Variants in NOTCH3 observed in about 807,000 individuals in gnomAD.
NOTCH3 encodes the protein neurogenic locus notch homolog protein 3.
In NOTCH3, 86 loss-of-function variants were observed where a neutral mutation model predicts 213.3. The observed-to-expected ratio is 0.40, with a 90% CI of 0.34 to 0.48. NOTCH3 has a LOEUF of 0.48. NOTCH3 is among the 20% of genes least tolerant of loss of function. The pLI, the probability that NOTCH3 is intolerant of heterozygous loss-of-function variation, is 0.57. For missense variants in NOTCH3, 2,783 were observed against 3,272.6 expected (o/e 0.85, Z 3.65); for synonymous variants, 1,354 against 1,355.9 (o/e 1.00, Z 0.03).
At chr19:15,191,926 A>T in intron 4 of NOTCH3, 34 bp downstream of exon 4, 1 of 1,613,486 alleles carries the variant, frequency 6.2e-7, no homozygotes, top group Non-Finnish European at 8.5e-7. Context: ...CCCCACGCCC[A>T]CCCCTCTGAC....
At position 15,184,949 on chromosome 19, in the gene NOTCH3, G is replaced by C; in HGVS notation, c.2367C>G (p.Ala789=). 1 of 1,549,824 alleles carries C rather than the reference G, an allele frequency of 6.5e-7. No homozygotes were observed. Among genetic ancestry groups the C allele is most frequent in the Non-Finnish European group, 8.7e-7 (1 of 1,146,236 alleles). ...AGGAGCAGACAGGCAGCTGGCCAGG[G>C]GCAGACTCGCAGCGGCCCCCATGCT... ...PCEHGGRCES[A]PGQLPVCSCP... Residue 789 remains alanine (A), a synonymous_variant, in exon 15 of 33, where the codon GCC becomes GCG. Transcript: ENST00000263388.
intron 20 of NOTCH3, 47 bp from the exon 21 acceptor site, chr19:15,179,543 ACC>A: frequency 6.2e-7 from 1 of 1,603,362 alleles, no homozygotes; most frequent in Non-Finnish European, 8.5e-7. Flanking sequence ...TGGGACACAG[ACC>A]CACCTGGACA....
rs1230803418 is a variant in NOTCH3, at chr19:15,170,482, G to C, written c.4963C>G (p.Leu1655Val). 8.1e-6 allele frequency: 13 copies of C among 1,606,614 alleles called. No homozygotes were observed. The highest frequency in any genetic ancestry group is 1.1e-5 in the Non-Finnish European group (13 of 1,179,934). Residue 1655 changes from leucine to valine, a missense_variant, in exon 27 of 33, where the codon CTG becomes GTG. Leu to Val is a conservative substitution (Grantham distance 32). Around this residue, in one of 6 missense-constraint regions of NOTCH3, gnomAD observed 636 missense variants for 801.8 expected, o/e 0.79. Coordinates refer to ENST00000263388, the MANE Select transcript of NOTCH3 (RefSeq NM_000435.3). ...PLLVAGAVLL[L>V]VILVLGVMVA... ...ATGACACCCAGGACGAGAATGACCA[G>C]CAGCAAGACAGCGCCCGCCACTAGC... is the stretch of plus-strand genomic sequence containing the variant.
At chr19:15,189,679 G>A (rs185960548) in intron 6 of NOTCH3, among the ~76,000 whole-genome samples, 50 of 152,098 alleles carry the variant, frequency 3.3e-4, no homozygotes, top group African/African-American at 1.1e-3. Flanking sequence ...CACCACGCCC[G>A]GCTAATTTTT....
chr19:15,181,022 C>A lies in NOTCH3; in HGVS notation c.2933G>T (p.Ser978Ile). ...GCAGCGGAAGCCAGGGTGGGCGGCG[C>A]TGCAGACGCCCCCGTGTAGGCAGGG... ...SRPCLHGGVC[S>I]AAHPGFRCTC... The change falls in exon 18 of 33, where the codon AGC (serine) becomes ATC (isoleucine). Residue 978 changes from serine to isoleucine, a missense_variant. Ser to Ile is a moderately radical substitution (Grantham distance 142, BLOSUM62 -2). Coordinates refer to ENST00000263388, the MANE Select transcript of NOTCH3 (RefSeq NM_000435.3). The A allele has an allele frequency of 6.3e-7, 1 of 1,599,982 alleles. No homozygotes were observed. Among genetic ancestry groups the A allele is most frequent in the Non-Finnish European group, 8.5e-7 (1 of 1,174,308 alleles).
intron 24 of NOTCH3, among the ~76,000 whole-genome samples, chr19:15,174,810 G>T (rs1212302353): frequency 1.3e-5 from 2 of 152,138 alleles, no homozygotes; most frequent in Non-Finnish European, 2.9e-5. Context: ...CTGACCTCAG[G>T]TGATCCACCT....
intron 2 of NOTCH3, among the ~76,000 whole-genome samples, chr19:15,196,704 T>C (rs951454555): frequency 1.3e-5 from 2 of 152,162 alleles, no homozygotes; most frequent in Non-Finnish European, 2.9e-5. Flanking sequence ...ATAATGCCTA[T>C]GTTGAGCACA....
rs2145436956 is a variant in NOTCH3 at position 15,189,287 on chromosome 19, T to A, written c.1178A>T (p.Asp393Val). ...FTGGACDQDV[D>V]ECSIGANPCE... ...GCTCCCCTCACCGATAGAGCACTCG[T>A]CCACATCCTGGTCACATGCCCCACC... The change falls in exon 7 of 33, where the codon GAC becomes GTC. Residue 393 changes from aspartate to valine, a missense_variant. Transcript: ENST00000263388. The A allele has an allele frequency of 6.2e-7, 1 of 1,614,058 alleles. No homozygotes were observed. The highest frequency in any genetic ancestry group is 1.7e-5 in the Admixed American group (1 of 60,024).
At chr19:15,177,370 G>GGACA (rs1186349355) in intron 24 of NOTCH3, among the ~76,000 whole-genome samples, 155 bp downstream of exon 24, 1 of 152,162 alleles carries the variant, frequency 6.6e-6, no homozygotes, top group Non-Finnish European at 1.5e-5. Flanking sequence ...ACAGACACAC[G>GGACA]GACAGACACG....
At chr19:15,184,578 G>C (rs2046866214) in intron 15 of NOTCH3, 128 bp from the exon 16 acceptor site, 6 of 898,766 alleles carry the variant, frequency 6.7e-6, no homozygotes, top group Non-Finnish European at 1.0e-5. Flanking sequence ...TGTCATTCGT[G>C]TCTGGGCATT....
rs61399527 is a variant in NOTCH3 at position 15,176,762 on chromosome 19, T to TAAA, written c.4403+760_4403+762dup. 1.3e-4 allele frequency among the ~76,000 whole-genome samples: 7 copies of TAAA among 55,640 alleles called. No individual in the cohort carries two copies. In the East Asian group the frequency reaches 1.6e-3, roughly 13 times the overall value. The allele number at this position is 55,640 out of a possible 152,430, so 36.5% of individuals were successfully genotyped here. ...TGGGCCACAGAGCAAGACCCTGTCT[T>TAAA]AAAAAAAAAAAAAAAAAAAAAAAAA... On this transcript the variant is annotated intron_variant, in intron 24 of 32. Transcript: ENST00000263388.
chr19:15,174,119 C>T lies in NOTCH3; in HGVS notation c.4685G>A (p.Ser1562Asn). Residue 1562 changes from serine to asparagine, a missense_variant, in exon 25 of 33, where the codon AGT becomes AAT. By Grantham distance (46) the Ser-to-Asn change is conservative. Around this residue, in one of 6 missense-constraint regions of NOTCH3, gnomAD observed 636 missense variants for 801.8 expected, o/e 0.79. Coordinates refer to ENST00000263388, the MANE Select transcript of NOTCH3 (RefSeq NM_000435.3). ...ACGGGCCCGGGGTTCGGAGCCAGGA[C>T]TAGGCCGGTGGTAAGGGAAGACCAT... Reference protein sequence around the residue: ...QAMVFPYHRPSPGSEPRARRE... With the variant: ...QAMVFPYHRPNPGSEPRARRE... 2.5e-6 allele frequency: 4 copies of T among 1,602,914 alleles called. No individual in the cohort carries two copies. Among genetic ancestry groups the T allele is most frequent in the Non-Finnish European group, 3.4e-6 (4 of 1,173,066 alleles).
At chr19:15,169,185 T>G (rs2046709299) in intron 28 of NOTCH3, among the ~76,000 whole-genome samples, 1 of 106,342 alleles carries the variant, frequency 9.4e-6, no homozygotes, top group Admixed American at 1.0e-4. Context: ...ATGTCAAATC[T>G]GTCTCTCTCT....
intron 32 of NOTCH3, chr19:15,162,253 A>C: frequency 1.7e-6 from 1 of 573,010 alleles, no homozygotes; most frequent in Non-Finnish European, 3.1e-6. Context: ...AAGTGCTGGG[A>C]TTATAGGCAT....
At position 15,180,095 on chromosome 19, in the gene NOTCH3, A is replaced by G; in HGVS notation, c.3304T>C (p.Tyr1102His). 1 of 1,611,184 alleles carries G rather than the reference A, an allele frequency of 6.2e-7. No individual in the cohort carries two copies. Among genetic ancestry groups the G allele is most frequent in the Non-Finnish European group, 8.5e-7 (1 of 1,179,086 alleles). Residue 1102 changes from tyrosine to histidine, a missense_variant, in exon 20 of 33, where the codon TAT becomes CAT. Tyr to His is a moderately conservative substitution (Grantham distance 83). This residue lies in a region of NOTCH3 where 861 missense variants were observed against 909.1 expected (regional missense o/e 0.95). Coordinates refer to ENST00000263388, the MANE Select transcript of NOTCH3 (RefSeq NM_000435.3). ...PCQHGGTCRG[Y>H]MGGYMCECLP... ...ACCTCACACATGTAGCCCCCCATAT[A>G]GCCACGGCAGGTCCCCCCATGCTGG...
In NOTCH3 at chr19:15,159,509, A is replaced by G. The variant is rs2046622388; in HGVS notation, c.*1153T>C. ...GTAGTCATCTGCCAAAAGAGGAAGC[A>G]TAAGTAGACTGGCAAGTCAAATGTA... On this transcript the variant is annotated 3_prime_UTR_variant, in exon 33 of 33. Transcript: ENST00000263388. 1 of 200,126 alleles carries G rather than the reference A, an allele frequency of 5.0e-6. No individual in the cohort carries two copies. 12.4% of individuals were successfully genotyped at this position (200,126 alleles called of 1,614,324 possible).
Position 15,185,093 on chromosome 19 carries a change from C to A in NOTCH3, c.2297-74G>T. ...CTGATCCCATCTCCCCCCACCTCCCCCAACCCCAGGGTCCCCACCTTGATA... is the reference window on the plus strand; with the variant it reads ...CTGATCCCATCTCCCCCCACCTCCCACAACCCCAGGGTCCCCACCTTGATA... On this transcript the variant is annotated intron_variant, in intron 14 of 32. Transcript: ENST00000263388. This position sits in a 1 kb window ranked among gnomAD's most constrained non-coding sequence, Gnocchi z 4.2. 7.9e-7 allele frequency: 1 copy of A among 1,262,786 alleles called. No homozygotes were observed. Among genetic ancestry groups the A allele is most frequent in the Non-Finnish European group, 1.1e-6 (1 of 907,408 alleles). The allele number at this position is 1,262,786 out of a possible 1,614,324, so 78.2% of individuals were successfully genotyped here.
chr19:15,170,444 G>C lies in NOTCH3; in HGVS notation c.5001C>G (p.Arg1667=). 3 of 1,611,098 alleles carry C rather than the reference G, an allele frequency of 1.9e-6. No homozygotes were observed. The highest frequency in any genetic ancestry group is 2.5e-6 in the Non-Finnish European group (3 of 1,179,982). ...ACCAGAGGGTGCTGTGCTCGCGCTTGCGCCGGGCCACCATGACACCCAGGA... is the reference window on the plus strand; with the variant it reads ...ACCAGAGGGTGCTGTGCTCGCGCTTCCGCCGGGCCACCATGACACCCAGGA... The part of the protein sequence containing the change: ...ILVLGVMVAR[R]KREHSTLWFP... Residue 1667 remains arginine, a synonymous_variant, in exon 27 of 33, where the codon CGC becomes CGG. Coordinates refer to ENST00000263388, the MANE Select transcript of NOTCH3 (RefSeq NM_000435.3).
intron 28 of NOTCH3, 80 bp from the exon 29 acceptor site, chr19:15,167,491 T>G: frequency 7.5e-7 from 1 of 1,332,980 alleles, no homozygotes; most frequent in Admixed American, 1.8e-5. Context: ...GGGCTGGGCA[T>G]TCCTACAGGT....
Sources: allele counts gnomAD v4.1 joint callset (sites outside exome capture counted in the v4.1 genomes callset), GRCh38; gene constraint gnomAD v4.1.1; regional missense constraint gnomAD v4.1.1; non-coding constraint Gnocchi (gnomAD v3.1); transcripts MANE v1.5; gene names NCBI Gene and HGNC (gene_info 2026-07-23, HGNC 2026-07-21).